The following CLIP2 variants were observed in gnomAD, a reference collection of about 807,000 sequenced individuals.
The protein encoded by CLIP2 is CAP-Gly domain containing linker protein 2.
A neutral mutation model predicts 111.7 loss-of-function variants in CLIP2; 41 were observed. The observed-to-expected ratio is 0.37, with a 90% CI of 0.29 to 0.48. CLIP2 has a LOEUF of 0.48. Ranked by LOEUF, CLIP2 falls within the 20% of genes least tolerant of loss-of-function variation. The probability of loss-of-function intolerance (pLI) is 0.99; values close to 1 mark genes in which losing one functional copy is unlikely to be tolerated. For synonymous variants in CLIP2, 660 were observed against 644.2 expected (o/e 1.02, Z -0.37); for missense variants, 1,160 against 1,422.1 (o/e 0.82, Z 2.96).
rs1271322929 is a variant in CLIP2 at position 74,332,232 on chromosome 7, C to A, written c.122-6216C>A. The stretch of plus-strand genomic sequence containing the variant: ...GGGATTACAGGTGCCCGCCACCATG[C>A]CAGGCCAATTTTTGTATTTTTAGTA... On this transcript the variant is annotated intron_variant, in intron 2 of 16. Transcript: ENST00000223398. Among the ~76,000 whole-genome samples, 5 of 151,940 alleles carry A rather than the reference C, an allele frequency of 3.3e-5. No individual in the cohort carries two copies. The East Asian group carries it at 5.8e-4, about 18-fold the overall frequency.
intron 1 of CLIP2, among the ~76,000 whole-genome samples, chr7:74,309,346 T>C (rs782548524): frequency 1.3e-4 from 20 of 152,024 alleles, no homozygotes; most frequent in Non-Finnish European, 2.4e-4. Flanking sequence ...TGACTTCTAG[T>C]ATAAACATAG....
intron 1 of CLIP2, among the ~76,000 whole-genome samples, chr7:74,315,332 T>C (rs1788742562): frequency 6.6e-6 from 1 of 150,426 alleles, no homozygotes; most frequent in South Asian, 2.1e-4. Context: ...GAGGTTACTG[T>C]ACTAGCAAGC....
At position 74,389,248 on chromosome 7, in the gene CLIP2, G is replaced by A; in HGVS notation, c.2709G>A (p.Leu903=). ...TAGTCCTCATCAGCCAGGAGCTGCT[G>A]CGGAAGGAGCGGTGAGGCGGCCGTG... ...GQLVLISQEL[L]RKERSLNELR... The change falls in exon 13 of 17, where the codon CTG becomes CTA. Residue 903 remains leucine (L), a synonymous_variant. Coordinates refer to ENST00000223398, the MANE Select transcript of CLIP2 (RefSeq NM_003388.5). The A allele has an allele frequency of 6.3e-7, 1 of 1,599,728 alleles. No individual in the cohort carries two copies. Among genetic ancestry groups the A allele is most frequent in the Non-Finnish European group, 8.5e-7 (1 of 1,173,986 alleles).
At chr7:74,340,720 A>C (rs1306890853) in intron 3 of CLIP2, among the ~76,000 whole-genome samples, 1 of 152,088 alleles carries the variant, frequency 6.6e-6, no homozygotes, top group African/African-American at 2.4e-5. Flanking sequence ...CTAACCCTGC[A>C]CCTGGGACCA....
In CLIP2 at chr7:74,317,750, G is replaced by A. The variant is rs999223540; in HGVS notation, c.121+83G>A. The A allele has an allele frequency of 2.2e-6, 3 of 1,334,054 alleles. No individual in the cohort carries two copies. In the South Asian group the frequency reaches 6.7e-5, roughly 30 times the overall value. The allele number at this position is 1,334,054 out of a possible 1,614,324, so 82.6% of individuals were successfully genotyped here. A position where few individuals can be genotyped will look rare whatever the true frequency, so the allele number is the denominator to read the frequency against. On this transcript the variant is annotated intron_variant, in intron 2 of 16. Coordinates refer to ENST00000223398, the MANE Select transcript of CLIP2 (RefSeq NM_003388.5). The stretch of plus-strand genomic sequence containing the variant: ...TTCTGGAAGAGCCCCAGGAGCACAG[G>A]CCACTCTGTGACCAATCTGATGGGG...
intron 3 of CLIP2, among the ~76,000 whole-genome samples, chr7:74,352,499 G>GA (rs1268467843): frequency 6.0e-5 from 9 of 151,166 alleles, no homozygotes; most frequent in South Asian, 2.1e-4. Flanking sequence ...TTATTTATAG[G>GA]AAAAAAAAAT....
intron 2 of CLIP2, among the ~76,000 whole-genome samples, chr7:74,320,599 C>G (rs1255700598): frequency 6.6e-6 from 1 of 152,022 alleles, no homozygotes; most frequent in East Asian, 1.9e-4. Flanking sequence ...GTTCACATCC[C>G]TTGGGCCACT....
chr7:74,397,334 A>T (rs1173669017), intron 14 of CLIP2, 101 bp downstream of exon 14: 10 of 1,220,310 alleles, frequency 8.2e-6, no homozygotes, highest in Non-Finnish European at 1.1e-5. Flanking sequence ...TCCTGGAATG[A>T]CCCCAGGGAC....
intron 2 of CLIP2, among the ~76,000 whole-genome samples, chr7:74,330,605 C>T (rs560774826): frequency 6.6e-6 from 1 of 152,118 alleles, no homozygotes; most frequent in African/African-American, 2.4e-5. Context: ...TCCTCTTCCC[C>T]TACCCCCAGG....
At chr7:74,309,228 C>T (rs1451126662) in intron 1 of CLIP2, among the ~76,000 whole-genome samples, 1 of 152,034 alleles carries the variant, frequency 6.6e-6, no homozygotes, top group African/African-American at 2.4e-5. Flanking sequence ...GTAATCCCAG[C>T]ACTTGGGGAG....
chr7:74,395,641 G>A (rs1791424508), intron 13 of CLIP2, among the ~76,000 whole-genome samples: 1 of 152,040 alleles, frequency 6.6e-6, no homozygotes, highest in African/African-American at 2.4e-5. Context: ...CATTCTTCAG[G>A]GCTTAGCACA....
At chr7:74,374,039 C>T (rs1790710129) in intron 9 of CLIP2, among the ~76,000 whole-genome samples, 2 of 152,288 alleles carry the variant, frequency 1.3e-5, no homozygotes, top group South Asian at 4.1e-4. Flanking sequence ...GCTTACCATG[C>T]ACGCCTGGGA....
intron 5 of CLIP2, 67 bp from the exon 6 acceptor site, chr7:74,357,213 A>C: frequency 7.0e-7 from 1 of 1,437,884 alleles, no homozygotes; most frequent in Admixed American, 1.7e-5. Context: ...ATTAGGCTGG[A>C]CAGAGCCAGT....
intron 10 of CLIP2, among the ~76,000 whole-genome samples, chr7:74,378,853 G>C (rs1790865883): frequency 6.6e-6 from 1 of 152,190 alleles, no homozygotes; most frequent in African/African-American, 2.4e-5. Flanking sequence ...TTTGCATCAT[G>C]CCTTGAGGTC....
At chr7:74,339,298 CTTATTTATTTAT>C (rs3044358) in intron 3 of CLIP2, among the ~76,000 whole-genome samples, 8 of 150,352 alleles carry the variant, frequency 5.3e-5, no homozygotes, top group Non-Finnish European at 1.0e-4. Flanking sequence ...ACTTATTTTA[CTTATTTATTTAT>C]TTATTTATTT....
intron 9 of CLIP2, 38 bp downstream of exon 9, chr7:74,373,074 C>T (rs1554312255): frequency 2.8e-6 from 4 of 1,424,558 alleles, no homozygotes; most frequent in Non-Finnish European, 3.9e-6. Context: ...CCGCCAGCCA[C>T]CTTGCCCTTT....
At chr7:74,355,185 G>A (rs1457645296) in intron 4 of CLIP2, among the ~76,000 whole-genome samples, 12 of 152,198 alleles carry the variant, frequency 7.9e-5, no homozygotes, top group East Asian at 3.8e-4. Context: ...ACCAGGCCTC[G>A]AAAGAAGGTA....
chr7:74,330,735 A>T (rs1789255956), intron 2 of CLIP2, among the ~76,000 whole-genome samples: 1 of 152,104 alleles, frequency 6.6e-6, no homozygotes, highest in Non-Finnish European at 1.5e-5. Flanking sequence ...TTGCTTAATA[A>T]TCTGAATAAT....
chr7:74,326,912 A>G (rs1443025737), intron 2 of CLIP2, among the ~76,000 whole-genome samples: 1 of 151,626 alleles, frequency 6.6e-6, no homozygotes, highest in African/African-American at 2.4e-5. Flanking sequence ...CTAGGATTAC[A>G]GGCCTGGGTC....
Sources: allele counts gnomAD v4.1 joint callset (sites outside exome capture counted in the v4.1 genomes callset), GRCh38; gene constraint gnomAD v4.1.1; transcripts MANE v1.5; gene names NCBI Gene and HGNC (gene_info 2026-07-23, HGNC 2026-07-21).